Variants in SLC44A1 observed in about 807,000 individuals in gnomAD.
SLC44A1 encodes the protein solute carrier family 44 member 1.
SLC44A1 carries 26 observed loss-of-function variants against 79.3 expected under a neutral mutation model. The ratio of observed to expected loss-of-function variants is 0.33; its 90% confidence interval spans 0.24 to 0.46. SLC44A1 has a LOEUF of 0.46. SLC44A1 is among the 20% of genes least tolerant of loss of function. SLC44A1 has a pLI of 1.00. For synonymous variants in SLC44A1, 263 were observed against 286.2 expected (o/e 0.92, Z 0.82); for missense variants, 688 against 798.1 (o/e 0.86, Z 1.66).
intron 1 of SLC44A1, among the ~76,000 whole-genome samples, chr9:105,272,988 T>G (rs1034535370): frequency 5.3e-5 from 8 of 151,436 alleles, no homozygotes. Flanking sequence ...TGTATGTATA[T>G]ATAATTTTTT....
chr9:105,434,177 A>C (rs896648574), intron 15 of SLC44A1, among the ~76,000 whole-genome samples: 3 of 152,062 alleles, frequency 2.0e-5, no homozygotes, highest in African/African-American at 7.2e-5. Context: ...GTCTCTGTTA[A>C]ATAAATACAA....
chr9:105,312,331 A>G (rs1831203356), intron 3 of SLC44A1, among the ~76,000 whole-genome samples: 1 of 152,182 alleles, frequency 6.6e-6, no homozygotes, highest in African/African-American at 2.4e-5. Flanking sequence ...CCAATATTCA[A>G]AAGTACTCTC....
chr9:105,269,237 C>T (rs1180417576), intron 1 of SLC44A1, among the ~76,000 whole-genome samples: 1 of 152,138 alleles, frequency 6.6e-6, no homozygotes, highest in Non-Finnish European at 1.5e-5. Context: ...TTGAGAAACC[C>T]CTAATGGCAA....
At chr9:105,294,009 C>T (rs1002845594) in intron 1 of SLC44A1, among the ~76,000 whole-genome samples, 3 of 152,110 alleles carry the variant, frequency 2.0e-5, no homozygotes, top group Admixed American at 2.0e-4. Flanking sequence ...CATTGTTCCT[C>T]CCTAACTTTA....
At chr9:105,360,146 T>C (rs1827737002) in intron 7 of SLC44A1, among the ~76,000 whole-genome samples, 1 of 152,180 alleles carries the variant, frequency 6.6e-6, no homozygotes, top group African/African-American at 2.4e-5. Context: ...TCTCTCATAC[T>C]AGGCATGGTT....
chr9:105,374,779 A>G (rs762946382), intron 13 of SLC44A1, 44 bp downstream of exon 13: 3 of 1,488,384 alleles, frequency 2.0e-6, no homozygotes, highest in South Asian at 1.2e-5. Context: ...AAAATTTTGC[A>G]TATATTTATT....
Position 105,317,483 on chromosome 9 carries a change from G to A in SLC44A1, c.269+7617G>A, listed in dbSNP as rs117250483. 1.3e-3 allele frequency among the ~76,000 whole-genome samples: 205 copies of A among 152,180 alleles called. 1 individual carries two copies. Among genetic ancestry groups the A allele is most frequent in the Admixed American group, 3.9e-3 (60 of 15,280 alleles). ...TATCAGGGTAAAGTCAAGTAAAGTC[G>A]GCTGTGGAAGGATGGTACACATAAT... On this transcript the variant is annotated intron_variant, in intron 3 of 15. Transcript: ENST00000374720.
At position 105,283,226 on chromosome 9, in the gene SLC44A1, A is replaced by G. The variant is rs115995379; in HGVS notation, c.37-15994A>G. Among the ~76,000 whole-genome samples, 1,135 of 152,314 alleles carry G rather than the reference A, an allele frequency of 7.5e-3. 12 individuals carry two copies. Among genetic ancestry groups the G allele is most frequent in the African/African-American group, 0.025 (1,051 of 41,560 alleles). On this transcript the variant is annotated intron_variant, in intron 1 of 15. Coordinates refer to ENST00000374720, the MANE Select transcript of SLC44A1 (RefSeq NM_080546.5). ...TGGAGAAACAACCTTGTTTTATCCA[A>G]AGATAGTAAGGCAAGCCTGCAGATC...
At chr9:105,305,820 T>G (rs558116962) in intron 2 of SLC44A1, among the ~76,000 whole-genome samples, 11 of 151,040 alleles carry the variant, frequency 7.3e-5, no homozygotes, top group Non-Finnish European at 1.5e-4. Context: ...AATTCAAACA[T>G]GCTTGTGAAA....
At chr9:105,301,831 A>G (rs1047264319) in intron 2 of SLC44A1, among the ~76,000 whole-genome samples, 19 of 152,212 alleles carry the variant, frequency 1.2e-4, no homozygotes, top group African/African-American at 4.6e-4. Flanking sequence ...ATGTCCTTTT[A>G]ATCGAGTGGC....
chr9:105,377,569 T>C lies in SLC44A1; in HGVS notation c.1632+2834T>C, dbSNP rs999630771. Among the ~76,000 whole-genome samples, 9 of 149,502 alleles carry C rather than the reference T, an allele frequency of 6.0e-5. No homozygotes were observed. The East Asian group carries it at 1.6e-3, about 27-fold the overall frequency. On this transcript the variant is annotated intron_variant, in intron 13 of 15. Coordinates refer to ENST00000374720, the MANE Select transcript of SLC44A1 (RefSeq NM_080546.5). ...AGTTCAAGACCAGCCTGGCCAACAA[T>C]GTGGTGAAACCTCATCTCTACTAAA...
intron 3 of SLC44A1, among the ~76,000 whole-genome samples, chr9:105,328,120 A>G (rs900400703): frequency 6.6e-6 from 1 of 152,234 alleles, no homozygotes; most frequent in Non-Finnish European, 1.5e-5. Flanking sequence ...AATTTGGGAA[A>G]TATGCAGCTT....
rs367785463 is a variant in SLC44A1 at position 105,376,461 on chromosome 9, C to T, written c.1632+1726C>T. ...CAATTTCGGCTCACTGCAACCTCCGCGTCCTGGGTTTAAGCGATTCTCCTG... is the reference window on the plus strand; with the variant it reads ...CAATTTCGGCTCACTGCAACCTCCGTGTCCTGGGTTTAAGCGATTCTCCTG... On this transcript the variant is annotated intron_variant, in intron 13 of 15. Coordinates refer to ENST00000374720, the MANE Select transcript of SLC44A1 (RefSeq NM_080546.5). Among the ~76,000 whole-genome samples, 155 of 151,890 alleles carry T rather than the reference C, an allele frequency of 1.0e-3. 2 individuals carry two copies. The highest frequency in any genetic ancestry group is 3.5e-3 in the African/African-American group (146 of 41,390).
chr9:105,334,328 T>C (rs1054935242), intron 3 of SLC44A1, among the ~76,000 whole-genome samples: 2 of 152,044 alleles, frequency 1.3e-5, no homozygotes, highest in African/African-American at 4.8e-5. Flanking sequence ...GCAGTGTTAC[T>C]TGATCTGCAA....
At chr9:105,358,489 A>G in intron 7 of SLC44A1, 56 bp downstream of exon 7, 1 of 882,660 alleles carries the variant, frequency 1.1e-6, no homozygotes, top group Non-Finnish European at 1.9e-6. Flanking sequence ...TTTGGTAGAA[A>G]ATAGAAATAT....
chr9:105,248,846 TC>T (rs1322622607), intron 1 of SLC44A1, among the ~76,000 whole-genome samples: 15 of 152,232 alleles, frequency 9.9e-5, no homozygotes, highest in African/African-American at 3.4e-4. Flanking sequence ...AAATGCTCTT[TC>T]CCATTGACAA....
intron 15 of SLC44A1, among the ~76,000 whole-genome samples, chr9:105,387,152 T>C (rs887818871): frequency 1.2e-4 from 18 of 149,304 alleles, no homozygotes; most frequent in African/African-American, 3.4e-4. Flanking sequence ...GCTATATGTA[T>C]ATTCAAACTA....
intron 13 of SLC44A1, among the ~76,000 whole-genome samples, chr9:105,379,794 A>G (rs1310684850): frequency 6.6e-6 from 1 of 152,182 alleles, no homozygotes; most frequent in Non-Finnish European, 1.5e-5. Context: ...TTGTCCTAAT[A>G]AAGCTATCCC....
Position 105,385,451 on chromosome 9 carries a change from G to T in SLC44A1, c.1899G>T (p.Met633Ile). 1.3e-6 allele frequency: 2 copies of T among 1,587,582 alleles called. No homozygotes were observed. The highest frequency in any genetic ancestry group is 1.7e-6 in the Non-Finnish European group (2 of 1,166,618). Reference sequence around the variant, plus strand: ...TTGTGGAAAACAGTAGGAAAGCAATGAAAGAAGCTGGTAAGGGAGGCGTCG... The same window carrying T: ...TTGTGGAAAACAGTAGGAAAGCAATTAAAGAAGCTGGTAAGGGAGGCGTCG... ...MEFVENSRKA[M>I]KEAGKGGVAD... The change falls in exon 15 of 16, where the codon ATG becomes ATT. Residue 633 changes from methionine (M) to isoleucine (I), a missense_variant. Met to Ile is a conservative substitution (Grantham distance 10, BLOSUM62 1). Coordinates refer to ENST00000374720, the MANE Select transcript of SLC44A1 (RefSeq NM_080546.5).
Sources: gnomAD v4.1 joint callset for allele counts (sites outside exome capture counted in the v4.1 genomes callset) on GRCh38, gnomAD v4.1.1 for gene constraint, MANE v1.5 for transcripts, NCBI Gene and HGNC (gene_info 2026-07-23, HGNC 2026-07-21) for gene names.